The following ACYP2 variants were observed in gnomAD, a reference collection of about 807,000 sequenced individuals.
ACYP2 encodes the protein acylphosphatase 2.
A neutral mutation model predicts 11.2 loss-of-function variants in ACYP2; 12 were observed. That is an observed-to-expected ratio of 1.08 (90% CI 0.69 to 1.74). The LOEUF (loss-of-function observed/expected upper bound fraction) is 1.74. Among genes scored for constraint, ACYP2 ranks in the 40% most tolerant of loss-of-function variants. The pLI, the probability that ACYP2 is intolerant of heterozygous loss-of-function variation, is 0.00. For synonymous variants in ACYP2, 43 were observed against 32.2 expected (o/e 1.33, Z -1.13); for missense variants, 134 against 101.9 (o/e 1.31, Z -1.35).
intron 6 of ACYP2, among the ~76,000 whole-genome samples, chr2:54,161,889 A>G (rs1682727368): frequency 6.6e-6 from 1 of 152,074 alleles, no homozygotes; most frequent in Admixed American, 6.5e-5. Context: ...TTTGGTTTTT[A>G]TATATTCTTT....
At chr2:54,002,594 C>CTCG in intron 2 of ACYP2, among the ~76,000 whole-genome samples, 1 of 150,156 alleles carries the variant, frequency 6.7e-6, no homozygotes, top group African/African-American at 2.5e-5. Flanking sequence ...ATTCACCTGC[C>CTCG]TCGGCCTCCC....
intron 6 of ACYP2, among the ~76,000 whole-genome samples, chr2:54,158,197 G>GTTTTTTTTT (rs5831292): frequency 7.7e-6 from 1 of 130,268 alleles, no homozygotes. Context: ...AGTTAACTTT[G>GTTTTTTTTT]TTTTTTTTTT....
At chr2:54,241,991 G>T (rs1686749523) in intron 6 of ACYP2, among the ~76,000 whole-genome samples, 1 of 152,162 alleles carries the variant, frequency 6.6e-6, no homozygotes, top group South Asian at 2.1e-4. Context: ...TCCAGCCTAG[G>T]TGACACAGCA....
At chr2:54,029,788 C>A in intron 2 of ACYP2, 1 of 583,880 alleles carries the variant, frequency 1.7e-6, no homozygotes, top group South Asian at 1.5e-5. Context: ...CCAGTTTAGC[C>A]ATGGTGACAC....
intron 2 of ACYP2, among the ~76,000 whole-genome samples, chr2:53,990,471 A>T (rs1437917116): frequency 4.0e-5 from 6 of 151,658 alleles, no homozygotes. Flanking sequence ...CAACATGGTG[A>T]AACCCCAAAT....
At chr2:54,071,715 TA>T (rs1677053258) in intron 4 of ACYP2, among the ~76,000 whole-genome samples, 1 of 152,086 alleles carries the variant, frequency 6.6e-6, no homozygotes, top group African/African-American at 2.4e-5. Context: ...ATGAACAATT[TA>T]AAAATGACGT....
At chr2:54,145,600 T>C (rs1416299977) in intron 6 of ACYP2, among the ~76,000 whole-genome samples, 1 of 152,196 alleles carries the variant, frequency 6.6e-6, no homozygotes, top group Non-Finnish European at 1.5e-5. Flanking sequence ...TCTTGTTTCA[T>C]ATATTCCTCC....
chr2:54,187,960 CACA>C (rs1185299272), intron 6 of ACYP2, among the ~76,000 whole-genome samples: 1 of 152,138 alleles, frequency 6.6e-6, no homozygotes, highest in Non-Finnish European at 1.5e-5. Context: ...CATGTGAGAA[CACA>C]ACATTTCTAC....
intron 6 of ACYP2, among the ~76,000 whole-genome samples, chr2:54,294,534 T>A (rs1051733551): frequency 2.9e-4 from 44 of 152,250 alleles, no homozygotes; most frequent in African/African-American, 1.0e-3. Flanking sequence ...AACCATTGCC[T>A]TGCTTCAGAG....
intron 2 of ACYP2, among the ~76,000 whole-genome samples, chr2:53,996,757 C>T (rs1451300616): frequency 6.6e-6 from 1 of 152,214 alleles, no homozygotes; most frequent in Non-Finnish European, 1.5e-5. Context: ...TTGCTCTCCT[C>T]ATGCATTTCA....
chr2:54,067,964 C>G (rs1676827642), intron 4 of ACYP2, among the ~76,000 whole-genome samples: 1 of 152,130 alleles, frequency 6.6e-6, no homozygotes, highest in Admixed American at 6.6e-5. Context: ...AAGATTTAAG[C>G]AAAACATTGA....
chr2:54,237,803 C>G (rs1686555344), intron 6 of ACYP2, among the ~76,000 whole-genome samples: 1 of 152,132 alleles, frequency 6.6e-6, no homozygotes, highest in Non-Finnish European at 1.5e-5. Context: ...TTTGCAAAGT[C>G]TCAGTCATTA....
chr2:54,085,329 G>A (rs1249637226), intron 4 of ACYP2, among the ~76,000 whole-genome samples: 1 of 152,210 alleles, frequency 6.6e-6, no homozygotes, highest in African/African-American at 2.4e-5. Context: ...CCTGCCACGG[G>A]ACTGCGGACT....
rs552762062 is a variant in ACYP2 at position 54,092,912 on chromosome 2, A to T, written c.277+35552A>T. ...TTTAGAATTGTCCTCAGCCAAAGAGAGTTGGCTTTCTAAGTTTATGTGCCC... is the reference window on the plus strand; with the variant it reads ...TTTAGAATTGTCCTCAGCCAAAGAGTGTTGGCTTTCTAAGTTTATGTGCCC... On this transcript the variant is annotated intron_variant, in intron 4 of 6. Coordinates refer to ENST00000607452, the MANE Select transcript of ACYP2 (RefSeq NM_001320586.2). Among the ~76,000 whole-genome samples, 5 of 152,266 alleles carry T rather than the reference A, an allele frequency of 3.3e-5. No individual in the cohort carries two copies. In the East Asian group the frequency reaches 9.6e-4, roughly 29 times the overall value.
chr2:54,045,270 C>T (rs1447028739), intron 2 of ACYP2, among the ~76,000 whole-genome samples: 1 of 152,138 alleles, frequency 6.6e-6, no homozygotes, highest in Non-Finnish European at 1.5e-5. Context: ...CTTAAAAACC[C>T]CAGCCTACAA....
intron 4 of ACYP2, among the ~76,000 whole-genome samples, chr2:54,110,646 T>A (rs1273452019): frequency 6.6e-6 from 1 of 152,116 alleles, no homozygotes; most frequent in African/African-American, 2.4e-5. Context: ...AAAAGAGTTT[T>A]AAGATTTTTA....
chr2:54,222,027 G>A (rs1685820006), intron 6 of ACYP2, among the ~76,000 whole-genome samples: 2 of 152,180 alleles, frequency 1.3e-5, no homozygotes, highest in Non-Finnish European at 1.5e-5. Context: ...CTGTCAGGCA[G>A]TCAACACATA....
At chr2:54,141,014 GATT>G (rs1262291132) in intron 6 of ACYP2, among the ~76,000 whole-genome samples, 1 of 152,176 alleles carries the variant, frequency 6.6e-6, no homozygotes, top group Non-Finnish European at 1.5e-5. Flanking sequence ...GGTTGTGAGT[GATT>G]ATTATTTTTT....
At chr2:54,066,811 A>G (rs1012668670) in intron 4 of ACYP2, among the ~76,000 whole-genome samples, 15 of 152,246 alleles carry the variant, frequency 9.9e-5, no homozygotes, top group African/African-American at 3.4e-4. Context: ...CTATCCAGAC[A>G]TGGTGGCCAA....
Sources: allele counts gnomAD v4.1 joint callset (sites outside exome capture counted in the v4.1 genomes callset), GRCh38; gene constraint gnomAD v4.1.1; transcripts MANE v1.5; gene names NCBI Gene and HGNC (gene_info 2026-07-23, HGNC 2026-07-21).